The following EAF2 variants were observed in gnomAD, a reference collection of about 807,000 sequenced individuals.
EAF2 encodes the protein ELL-associated factor 2.
In EAF2, 29 loss-of-function variants were observed where a neutral mutation model predicts 29.4. The observed-to-expected ratio is 0.99, with a 90% CI of 0.73 to 1.35. The LOEUF is 1.35. Among genes scored for constraint, EAF2 ranks in the 40% most tolerant of loss-of-function variants. The pLI, the probability that EAF2 is intolerant of heterozygous loss-of-function variation, is 0.00. For synonymous variants in EAF2, 103 were observed against 102.5 expected (o/e 1.00, Z -0.03); for missense variants, 292 against 312.0 (o/e 0.94, Z 0.48).
rs11914550 is a variant in EAF2, at chr3:121,871,564, A to G, written c.485-973A>G. 9.7e-3 allele frequency among the ~76,000 whole-genome samples: 1,476 copies of G among 152,176 alleles called. 17 individuals carry two copies. Among genetic ancestry groups the G allele is most frequent in the African/African-American group, 0.033 (1,372 of 41,566 alleles). ...ATACCAGGCAGAGGAAACAGCTAGT[A>G]CGAAGAACATAGCCTGGAAATGGAT... On this transcript the variant is annotated intron_variant, in intron 4 of 5. Transcript: ENST00000273668.
chr3:121,855,059 T>G, intron 3 of EAF2, among the ~76,000 whole-genome samples: 1 of 152,176 alleles, frequency 6.6e-6, no homozygotes, highest in Non-Finnish European at 1.5e-5. Context: ...TAGGTATAGG[T>G]ACACTTTTTA....
rs1247547305 is a variant in EAF2 at position 121,835,338 on chromosome 3, A to C, written c.53A>C (p.Lys18Thr). The C allele has an allele frequency of 6.2e-7, 1 of 1,614,162 alleles. No individual in the cohort carries two copies. Among genetic ancestry groups the C allele is most frequent in the African/African-American group, 1.3e-5 (1 of 75,048 alleles). Residue 18 changes from lysine to threonine, a missense_variant, in exon 1 of 6, where the codon AAG becomes ACG. Transcript: ENST00000273668. The stretch of plus-strand genomic sequence containing the variant: ...CTAGACCGTCGCGAGCGGGTTCTCA[A>C]GTTAGGGGAGAGTTTCGAGAAGCAG... ...SHLDRRERVL[K>T]LGESFEKQPR...
chr3:121,835,830 AG>A (rs927353591), intron 1 of EAF2, among the ~76,000 whole-genome samples: 5 of 152,226 alleles, frequency 3.3e-5, no homozygotes, highest in African/African-American at 9.6e-5. Flanking sequence ...CTGGCAGATG[AG>A]GGTTCTTATT....
chr3:121,847,042 C>T (rs980255314), intron 2 of EAF2, among the ~76,000 whole-genome samples: 10 of 152,056 alleles, frequency 6.6e-5, no homozygotes, highest in Admixed American at 5.9e-4. Context: ...CACAAGCCCC[C>T]ACAGATATGT....
At chr3:121,868,945 T>C (rs1292514099) in intron 4 of EAF2, among the ~76,000 whole-genome samples, 1 of 152,214 alleles carries the variant, frequency 6.6e-6, no homozygotes, top group Non-Finnish European at 1.5e-5. Flanking sequence ...ATGGAATATT[T>C]ACTAAGATAG....
chr3:121,843,283 A>T (rs1037109738), intron 1 of EAF2, among the ~76,000 whole-genome samples: 4 of 152,188 alleles, frequency 2.6e-5, no homozygotes, highest in Non-Finnish European at 5.9e-5. Context: ...TTACAGAGCA[A>T]TAATTTGATG....
chr3:121,854,489 C>G (rs958538108), intron 2 of EAF2, among the ~76,000 whole-genome samples, 198 bp from the exon 3 acceptor site: 3 of 152,182 alleles, frequency 2.0e-5, no homozygotes, highest in Non-Finnish European at 4.4e-5. Flanking sequence ...TCCTCAATGA[C>G]AGCAGCTTTG....
intron 2 of EAF2, among the ~76,000 whole-genome samples, chr3:121,853,396 C>T (rs1216134037): frequency 6.6e-6 from 1 of 151,958 alleles, no homozygotes; most frequent in Non-Finnish European, 1.5e-5. Flanking sequence ...TTAAAAGTCC[C>T]TTCCTTTCTT....
At chr3:121,861,848 T>A (rs951055387) in intron 4 of EAF2, among the ~76,000 whole-genome samples, 1 of 152,206 alleles carries the variant, frequency 6.6e-6, no homozygotes, top group African/African-American at 2.4e-5. Context: ...CTTCAGGAGC[T>A]CTTGTAAGGC....
chr3:121,883,314 G>A (rs1017121257), intron 5 of EAF2, among the ~76,000 whole-genome samples: 7 of 152,228 alleles, frequency 4.6e-5, no homozygotes, highest in African/African-American at 1.7e-4. Context: ...GCGTATTGCT[G>A]CTCCAAATAC....
intron 4 of EAF2, among the ~76,000 whole-genome samples, chr3:121,860,636 A>AT (rs1349264001): frequency 2.6e-5 from 4 of 151,620 alleles, no homozygotes; most frequent in Non-Finnish European, 5.9e-5. Context: ...AGATTCATTG[A>AT]TTTTTTTGAA....
intron 5 of EAF2, among the ~76,000 whole-genome samples, chr3:121,880,921 G>GT (rs138730367): frequency 5.3e-5 from 8 of 152,146 alleles, no homozygotes; most frequent in East Asian, 1.9e-4. Context: ...TTTGTTGAGG[G>GT]TTTTTTATCA....
intron 1 of EAF2, among the ~76,000 whole-genome samples, chr3:121,840,139 G>A (rs1474443623): frequency 7.0e-6 from 1 of 142,854 alleles, no homozygotes; most frequent in Non-Finnish European, 1.5e-5. Flanking sequence ...GCGGTGAGCC[G>A]AGATCGCGCC....
chr3:121,869,701 T>C (rs189075237), intron 4 of EAF2, among the ~76,000 whole-genome samples: 122 of 151,618 alleles, frequency 8.0e-4, no homozygotes, highest in African/African-American at 1.8e-3. Context: ...ATACAGAGTC[T>C]CTACAAAAAA....
intron 4 of EAF2, among the ~76,000 whole-genome samples, chr3:121,858,165 A>C (rs1189072234): frequency 3.3e-5 from 5 of 152,242 alleles, no homozygotes; most frequent in African/African-American, 1.2e-4. Flanking sequence ...CATGATTTAT[A>C]ATCCTTCGGG....
At chr3:121,838,627 A>G (rs1708349021) in intron 1 of EAF2, among the ~76,000 whole-genome samples, 1 of 152,248 alleles carries the variant, frequency 6.6e-6, no homozygotes, top group Non-Finnish European at 1.5e-5. Context: ...AAGTAAAGCT[A>G]AAGATATTTT....
intron 2 of EAF2, among the ~76,000 whole-genome samples, chr3:121,851,934 A>G (rs1708642458): frequency 6.6e-6 from 1 of 152,208 alleles, no homozygotes; most frequent in African/African-American, 2.4e-5. Context: ...TGAATAAGGA[A>G]TGGACAGAAA....
chr3:121,884,516 C>T (rs911854977), intron 5 of EAF2, among the ~76,000 whole-genome samples: 9 of 151,522 alleles, frequency 5.9e-5, no homozygotes, highest in Non-Finnish European at 1.3e-4. Context: ...CAACCTCCAC[C>T]TCCTAGGTTC....
At chr3:121,857,614 A>T (rs1022862926) in intron 4 of EAF2, among the ~76,000 whole-genome samples, 1 of 152,090 alleles carries the variant, frequency 6.6e-6, no homozygotes, top group African/African-American at 2.4e-5. Flanking sequence ...CTGGGTAATG[A>T]TGTAGCTTAT....
Sources: allele counts gnomAD v4.1 joint callset (sites outside exome capture counted in the v4.1 genomes callset), GRCh38; gene constraint gnomAD v4.1.1; transcripts MANE v1.5; gene names NCBI Gene and HGNC (gene_info 2026-07-23, HGNC 2026-07-21).